The following SCARB1 variants were observed in gnomAD, a reference collection of about 807,000 sequenced individuals.
SCARB1 encodes CD36 and LIMPII analogous 1.
Under a neutral mutation model 57.2 loss-of-function variants are expected in SCARB1, and 30 were observed. The ratio of observed to expected loss-of-function variants is 0.52; its 90% confidence interval spans 0.39 to 0.71. The LOEUF (loss-of-function observed/expected upper bound fraction) is 0.71, where lower values mean the gene tolerates loss of function less well. Among genes scored for constraint, SCARB1 ranks in the 30% least tolerant of loss-of-function variants. The pLI is 0.00. For synonymous variants in SCARB1, 249 were observed against 268.3 expected (o/e 0.93, Z 0.70); for missense variants, 543 against 671.2 (o/e 0.81, Z 2.11).
In SCARB1 at chr12:124,800,188, G is replaced by A. The variant is rs1950081892; in HGVS notation, c.1064C>T (p.Ala355Val). 6.2e-7 allele frequency: 1 copy of A among 1,614,094 alleles called. No homozygotes were observed. Among genetic ancestry groups the A allele is most frequent in the Non-Finnish European group, 8.5e-7 (1 of 1,179,958 alleles). Reference protein sequence around the residue: ...PHFLNADPVLAEAVTGLHPNQ... With the variant: ...PHFLNADPVLVEAVTGLHPNQ... ...AGGGTGCAGGCCAGTCACCGCTTCTGCCAGAACCGGGTCAGCGTTGAGGAA... is the reference window on the plus strand; with the variant it reads ...AGGGTGCAGGCCAGTCACCGCTTCTACCAGAACCGGGTCAGCGTTGAGGAA... Residue 355 changes from alanine (A) to valine (V), a missense_variant, in exon 8 of 13, where the codon GCA (alanine) becomes GTA (valine). Coordinates refer to ENST00000261693, the MANE Select transcript of SCARB1 (RefSeq NM_005505.5). The surrounding 1 kb of genome is among the most constrained non-coding windows in gnomAD (Gnocchi z 4.8).
intron 8 of SCARB1, among the ~76,000 whole-genome samples, chr12:124,799,447 AC>A (rs1950060547): frequency 6.6e-6 from 1 of 151,848 alleles, no homozygotes; most frequent in East Asian, 1.9e-4. Flanking sequence ...GATCACCTGA[AC>A]CCAGGGAGGT....
intron 1 of SCARB1, among the ~76,000 whole-genome samples, chr12:124,819,945 C>T (rs770878135): frequency 1.3e-5 from 2 of 152,184 alleles, no homozygotes. Context: ...GTTTGACCTA[C>T]GTGGCGTGTC....
intron 1 of SCARB1, among the ~76,000 whole-genome samples, chr12:124,825,527 C>A (rs1594312682): frequency 6.6e-6 from 1 of 151,888 alleles, no homozygotes; most frequent in African/African-American, 2.4e-5. Context: ...AAAAATTACC[C>A]AAGCACGGTG....
intron 7 of SCARB1, among the ~76,000 whole-genome samples, chr12:124,801,042 T>C (rs1026825200): frequency 2.6e-5 from 4 of 151,990 alleles, no homozygotes; most frequent in African/African-American, 9.7e-5. Context: ...ATCCTATCTC[T>C]ACAAAAATTA....
chr12:124,804,749 C>A (rs1950264864), intron 7 of SCARB1, among the ~76,000 whole-genome samples: 1 of 152,246 alleles, frequency 6.6e-6, no homozygotes, highest in African/African-American at 2.4e-5. Flanking sequence ...ACAGCCCCTC[C>A]TCCTGACCCC....
At chr12:124,852,176 C>A (rs1315636976) in intron 1 of SCARB1, among the ~76,000 whole-genome samples, 1 of 152,162 alleles carries the variant, frequency 6.6e-6, no homozygotes, top group Non-Finnish European at 1.5e-5. Context: ...CCGATGACAT[C>A]TTTATACACC....
At chr12:124,802,182 A>G (rs4765611) in intron 7 of SCARB1, among the ~76,000 whole-genome samples, 59,270 of 149,758 alleles carry the variant, frequency 0.4, 12,504 homozygotes, top group Non-Finnish European at 0.47. Flanking sequence ...GTTAAAAAAT[A>G]CCGTGGAAAA....
chr12:124,777,558 G>A lies in SCARB1; in HGVS notation c.*1029C>T, dbSNP rs838884. The A allele has an allele frequency of 0.6, 91,778 of 152,126 alleles. 29,453 individuals carry two copies. The highest frequency in any genetic ancestry group is 0.85 in the East Asian group (4,408 of 5,190). 9.4% of individuals were successfully genotyped at this position (152,126 alleles called of 1,614,324 possible). A position where few individuals can be genotyped will look rare whatever the true frequency, so the allele number is the denominator to read the frequency against. On this transcript the variant is annotated 3_prime_UTR_variant, in exon 13 of 13. Coordinates refer to ENST00000261693, the MANE Select transcript of SCARB1 (RefSeq NM_005505.5). ...AAAGGAGCTATTGACCAAGAGAAGA[G>A]GAGCCCGGAACTTCCCAGAGGCCCC...
intron 11 of SCARB1, chr12:124,786,016 G>C: frequency 6.8e-7 from 1 of 1,466,004 alleles, no homozygotes. Context: ...ACTGCTGTAC[G>C]TCCCCTCGCC....
At chr12:124,844,247 C>A (rs1182307049) in intron 1 of SCARB1, among the ~76,000 whole-genome samples, 2 of 152,150 alleles carry the variant, frequency 1.3e-5, no homozygotes, top group African/African-American at 4.8e-5. Context: ...AGATTTTAAA[C>A]AGGGCAGCAC....
chr12:124,822,522 C>G lies in SCARB1; in HGVS notation c.127-4815G>C, dbSNP rs1176859851. On this transcript the variant is annotated intron_variant, in intron 1 of 12. Coordinates refer to ENST00000261693, the MANE Select transcript of SCARB1 (RefSeq NM_005505.5). This position sits in a 1 kb window ranked among gnomAD's most constrained non-coding sequence, Gnocchi z 5.0. ...CGGGGACCGGGATGGAGGGAGGGGA[C>G]TAACGTGAACTGGCCCAGCTATCTT... Among the ~76,000 whole-genome samples the G allele has an allele frequency of 6.6e-6, 1 of 152,224 alleles. No homozygotes were observed. The highest frequency in any genetic ancestry group is 2.4e-5 in the African/African-American group (1 of 41,462).
At position 124,837,458 on chromosome 12, in the gene SCARB1, G is replaced by GGAAA. The variant is rs750904329; in HGVS notation, c.127-19755_127-19752dup. On this transcript the variant is annotated intron_variant, in intron 1 of 12. Transcript: ENST00000261693. ...GGGAAGAAAGAAAAGAAAGAAAGAA[G>GGAAA]GAAAGAAAGAAAGAAAGGAAGGAAG... Among the ~76,000 whole-genome samples, 20 of 59,856 alleles carry GGAAA rather than the reference G, an allele frequency of 3.3e-4. 1 individual carries two copies. The highest frequency in any genetic ancestry group is 1.3e-3 in the Admixed American group (6 of 4,718). 39.3% of individuals were successfully genotyped at this position (59,856 alleles called of 152,430 possible).
rs1031953000 is a variant in SCARB1, at chr12:124,858,233, C to T, written c.126+5362G>A. 2.6e-5 allele frequency among the ~76,000 whole-genome samples: 4 copies of T among 152,214 alleles called. No homozygotes were observed. In the South Asian group the frequency reaches 8.3e-4, roughly 32 times the overall value. ...GCAAATTACTCTCTTCAGCTTGTCT[C>T]CTTAACGGACACTGAAGACAATAAA... On this transcript the variant is annotated intron_variant, in intron 1 of 12. Coordinates refer to ENST00000261693, the MANE Select transcript of SCARB1 (RefSeq NM_005505.5).
chr12:124,816,175 C>T (rs1319494977), intron 2 of SCARB1, among the ~76,000 whole-genome samples: 1 of 152,042 alleles, frequency 6.6e-6, no homozygotes, highest in Admixed American at 6.6e-5. Flanking sequence ...ACCCTCCCTC[C>T]TGCACTCCGG....
intron 1 of SCARB1, among the ~76,000 whole-genome samples, chr12:124,827,193 G>T (rs1022755077): frequency 2.6e-5 from 4 of 152,090 alleles, no homozygotes; most frequent in East Asian, 1.9e-4. Context: ...CGGCAGACTC[G>T]CGTCTTAAGA....
At position 124,810,253 on chromosome 12, in the gene SCARB1, T is replaced by C; in HGVS notation, c.763A>G (p.Asn255Asp). The C allele has an allele frequency of 6.2e-7, 1 of 1,614,140 alleles. No individual in the cohort carries two copies. Among genetic ancestry groups the C allele is most frequent in the Non-Finnish European group, 8.5e-7 (1 of 1,179,976 alleles). ...FWHSDQCNMI[N>D]GTSGQMWPPF... ...GGCCACATTTGCCCAGAAGTTCCATTGATCATGTTGCACTGATCGGAATGC... is the reference window on the plus strand; with the variant it reads ...GGCCACATTTGCCCAGAAGTTCCATCGATCATGTTGCACTGATCGGAATGC... The change falls in exon 6 of 13, where the codon AAT (asparagine) becomes GAT (aspartate). Residue 255 changes from asparagine to aspartate, a missense_variant. Coordinates refer to ENST00000261693, the MANE Select transcript of SCARB1 (RefSeq NM_005505.5). The surrounding 1 kb of genome is among the most constrained non-coding windows in gnomAD (Gnocchi z 4.0).
chr12:124,807,744 C>T lies in SCARB1; in HGVS notation c.1009+17G>A. On this transcript the variant is annotated intron_variant, in intron 7 of 12. Coordinates refer to ENST00000261693, the MANE Select transcript of SCARB1 (RefSeq NM_005505.5). The surrounding 1 kb of genome is among the most constrained non-coding windows in gnomAD (Gnocchi z 5.3). ...CTCACACCCTCCCGCCATCCCAGCA[C>T]AGGGGACGGCACGTACTGAACCTGC... 2 of 1,613,702 alleles carry T rather than the reference C, an allele frequency of 1.2e-6. No homozygotes were observed. The highest frequency in any genetic ancestry group is 8.5e-7 in the Non-Finnish European group (1 of 1,179,664).
chr12:124,817,784 C>G lies in SCARB1; in HGVS notation c.127-77G>C. 6.5e-7 allele frequency: 1 copy of G among 1,528,686 alleles called. No individual in the cohort carries two copies. Among genetic ancestry groups the G allele is most frequent in the African/African-American group, 1.4e-5 (1 of 73,312 alleles). 94.7% of individuals were successfully genotyped at this position (1,528,686 alleles called of 1,614,324 possible). On this transcript the variant is annotated intron_variant, in intron 1 of 12. Transcript: ENST00000261693. This position sits in a 1 kb window ranked among gnomAD's most constrained non-coding sequence, Gnocchi z 4.8. ...GCCCCACCACAAGGCTCCGGAACAG[C>G]TGCCCGAGCCCGGCCAGGGAAGGGG... is the stretch of plus-strand genomic sequence containing the variant.
At chr12:124,858,574 T>A (rs1187837940) in intron 1 of SCARB1, among the ~76,000 whole-genome samples, 1 of 151,340 alleles carries the variant, frequency 6.6e-6, no homozygotes, top group African/African-American at 2.4e-5. Context: ...CATTCGTAAT[T>A]TTTTTTTTAA....
Sources: allele counts gnomAD v4.1 joint callset (sites outside exome capture counted in the v4.1 genomes callset), GRCh38; gene constraint gnomAD v4.1.1; non-coding constraint Gnocchi (gnomAD v3.1); transcripts MANE v1.5; gene names NCBI Gene and HGNC (gene_info 2026-07-23, HGNC 2026-07-21).